PDLIM5: variants seen among roughly 807,000 people sequenced by gnomAD.
The protein encoded by PDLIM5 is PDZ and LIM domain protein 5.
Under a neutral mutation model 64.2 loss-of-function variants are expected in PDLIM5, and 34 were observed. That is an observed-to-expected ratio of 0.53 (90% confidence interval 0.40 to 0.71). PDLIM5 has a LOEUF of 0.71. Ranked by LOEUF, PDLIM5 falls within the 30% of genes least tolerant of loss-of-function variation. The pLI, the probability that PDLIM5 is intolerant of heterozygous loss-of-function variation, is 0.00. For missense variants in PDLIM5, 683 were observed against 733.6 expected (o/e 0.93, Z 0.80); for synonymous variants, 253 against 269.1 (o/e 0.94, Z 0.59).
intron 9 of PDLIM5, among the ~76,000 whole-genome samples, chr4:94,652,847 T>C (rs12511169): frequency 0.33 from 50,031 of 151,904 alleles, 8,620 homozygotes; most frequent in East Asian, 0.49. Flanking sequence ...GGCTAGAAAA[T>C]ACCCTCTTAC....
intron 3 of PDLIM5, among the ~76,000 whole-genome samples, chr4:94,569,497 T>A (rs536872801): frequency 9.9e-5 from 15 of 152,214 alleles, no homozygotes; most frequent in Admixed American, 4.6e-4. Flanking sequence ...TTTTTGTATG[T>A]TTAGTAGAGA....
rs746368807 is a variant in PDLIM5, at chr4:94,620,005, C to G, written c.1108+1814C>G. On this transcript the variant is annotated intron_variant, in intron 8 of 12. Coordinates refer to ENST00000317968, the MANE Select transcript of PDLIM5 (RefSeq NM_006457.5). ...GCTTGACTATCCCACCCTTCCTTAACAAATCATTTAGGACCTTTTATACTT... is the reference window on the plus strand; with the variant it reads ...GCTTGACTATCCCACCCTTCCTTAAGAAATCATTTAGGACCTTTTATACTT... Among the ~76,000 whole-genome samples the G allele has an allele frequency of 1.5e-4, 23 of 152,108 alleles. 1 individual carries two copies. Among genetic ancestry groups the G allele is most frequent in the Non-Finnish European group, 2.5e-4 (17 of 68,022 alleles).
chr4:94,454,036 A>T (rs1457703198), intron 1 of PDLIM5, among the ~76,000 whole-genome samples: 1 of 152,202 alleles, frequency 6.6e-6, no homozygotes, highest in East Asian at 1.9e-4. Context: ...TTTGCTTTAA[A>T]TATACCTATG....
In PDLIM5 at chr4:94,576,169, A is replaced by G. The variant is rs376760281; in HGVS notation, c.710+135A>G. On this transcript the variant is annotated intron_variant, in intron 5 of 12. Coordinates refer to ENST00000317968, the MANE Select transcript of PDLIM5 (RefSeq NM_006457.5). ...AGATGAAGTATTATTTGCCTCATTAACATATGGCCTTTATATACATAGGGT... is the reference window on the plus strand; with the variant it reads ...AGATGAAGTATTATTTGCCTCATTAGCATATGGCCTTTATATACATAGGGT... 31 of 686,902 alleles carry G rather than the reference A, an allele frequency of 4.5e-5. No homozygotes were observed. In the East Asian group the frequency reaches 7.8e-4, roughly 17 times the overall value. The allele number at this position is 686,902 out of a possible 1,614,324, so 42.6% of individuals were successfully genotyped here.
chr4:94,543,450 C>T (rs1732005640), intron 3 of PDLIM5, among the ~76,000 whole-genome samples: 1 of 152,100 alleles, frequency 6.6e-6, no homozygotes, highest in African/African-American at 2.4e-5. Context: ...GGTGTGAGCA[C>T]TTAATATCTA....
intron 2 of PDLIM5, among the ~76,000 whole-genome samples, chr4:94,518,271 T>C (rs1456063909): frequency 2.0e-5 from 3 of 152,198 alleles, no homozygotes. Context: ...GTGATAGAAG[T>C]GCTCTCAAGA....
At chr4:94,654,108 C>T (rs1437833464) in intron 9 of PDLIM5, among the ~76,000 whole-genome samples, 1 of 152,118 alleles carries the variant, frequency 6.6e-6, no homozygotes, top group Non-Finnish European at 1.5e-5. Flanking sequence ...CTGGTTGCCT[C>T]ATGTTCTGTC....
At chr4:94,614,149 G>T (rs1341375764) in intron 7 of PDLIM5, among the ~76,000 whole-genome samples, 1 of 152,066 alleles carries the variant, frequency 6.6e-6, no homozygotes, top group Non-Finnish European at 1.5e-5. Flanking sequence ...TTTTAGTAGA[G>T]ACGGGGTTTC....
At chr4:94,458,261 A>G (rs1207287111) in intron 2 of PDLIM5, among the ~76,000 whole-genome samples, 1 of 152,120 alleles carries the variant, frequency 6.6e-6, no homozygotes, top group Non-Finnish European at 1.5e-5. Flanking sequence ...AGGTTCTTTA[A>G]TTAATAGTAT....
rs1165092010 is a variant in PDLIM5 at position 94,585,695 on chromosome 4, C to T, written c.841C>T (p.Arg281Cys). Reference sequence around the variant, plus strand: ...TCCAAGGACTGGAACAACTCAGTCTCGCTCTTTCCGAATCCTTGCCCAGAT... The same window carrying T: ...TCCAAGGACTGGAACAACTCAGTCTTGCTCTTTCCGAATCCTTGCCCAGAT... ...WRPRTGTTQSRSFRILAQITG... is the reference protein window; with the variant it reads ...WRPRTGTTQSCSFRILAQITG... Residue 281 changes from arginine (R) to cysteine (C), a missense_variant, in exon 6 of 13, where the codon CGC becomes TGC. By Grantham distance (180) the Arg-to-Cys change is radical (BLOSUM62 -3). Transcript: ENST00000317968. The T allele has an allele frequency of 1.2e-6, 2 of 1,613,816 alleles. No individual in the cohort carries two copies. Among genetic ancestry groups the T allele is most frequent in the East Asian group, 2.2e-5 (1 of 44,864 alleles).
intron 8 of PDLIM5, among the ~76,000 whole-genome samples, chr4:94,631,870 C>T (rs1315889020): frequency 6.6e-6 from 1 of 152,172 alleles, no homozygotes; most frequent in Non-Finnish European, 1.5e-5. Context: ...TCATGCTGTA[C>T]TTTCCCTGAA....
intron 7 of PDLIM5, among the ~76,000 whole-genome samples, chr4:94,612,203 G>A (rs1370989742): frequency 7.9e-5 from 12 of 152,058 alleles, no homozygotes; most frequent in Admixed American, 7.2e-4. Context: ...GGGCGACAGG[G>A]CAAGACTCTG....
chr4:94,498,704 TGAG>T (rs1443495344), intron 2 of PDLIM5, among the ~76,000 whole-genome samples: 1 of 152,238 alleles, frequency 6.6e-6, no homozygotes, highest in Non-Finnish European at 1.5e-5. Flanking sequence ...CACTGTAAGA[TGAG>T]GAGGGGAAAC....
chr4:94,553,136 T>A (rs1732961912), intron 3 of PDLIM5, among the ~76,000 whole-genome samples: 1 of 152,154 alleles, frequency 6.6e-6, no homozygotes. Context: ...ATTATTATTA[T>A]TATTTTGAGA....
chr4:94,645,366 T>C (rs1741332127), intron 9 of PDLIM5, among the ~76,000 whole-genome samples: 1 of 152,244 alleles, frequency 6.6e-6, no homozygotes, highest in South Asian at 2.1e-4. Flanking sequence ...ATTGTGCTGC[T>C]ATAAACATGC....
rs768539537 is a variant in PDLIM5 at position 94,654,634 on chromosome 4, C to T, written c.1458C>T (p.Ile486=). The T allele has an allele frequency of 1.9e-6, 3 of 1,600,986 alleles. No individual in the cohort carries two copies. The highest frequency in any genetic ancestry group is 2.6e-6 in the Non-Finnish European group (3 of 1,169,546). The change falls in exon 10 of 13, where the codon ATC becomes ATT. Residue 486 remains isoleucine (I), a synonymous_variant. Transcript: ENST00000317968. The part of the protein sequence containing the change: ...APECGRCQRK[I]LGEVISALKQ... ...AATGTGGTCGATGCCAAAGGAAGAT[C>T]CTTGGAGTAAGTATTGGAAACGTTT...
chr4:94,601,067 A>G (rs1737448912), intron 7 of PDLIM5, among the ~76,000 whole-genome samples: 1 of 152,230 alleles, frequency 6.6e-6, no homozygotes, highest in South Asian at 2.1e-4. Flanking sequence ...CAAAGAGGAA[A>G]TTCTTTCCCT....
At chr4:94,531,034 T>C (rs1730829375) in intron 3 of PDLIM5, among the ~76,000 whole-genome samples, 1 of 152,238 alleles carries the variant, frequency 6.6e-6, no homozygotes, top group Admixed American at 6.5e-5. Context: ...TTTCAGTTCA[T>C]GTGAATTAAA....
At chr4:94,528,515 T>TA (rs1730576123) in intron 3 of PDLIM5, among the ~76,000 whole-genome samples, 1 of 152,348 alleles carries the variant, frequency 6.6e-6, no homozygotes, top group Admixed American at 6.5e-5. Flanking sequence ...TGTTTTTTTT[T>TA]ACTCTATTTG....
Sources: allele counts gnomAD v4.1 joint callset (sites outside exome capture counted in the v4.1 genomes callset), GRCh38; gene constraint gnomAD v4.1.1; transcripts MANE v1.5; gene names NCBI Gene and HGNC (gene_info 2026-07-23, HGNC 2026-07-21).